RYR1: variants seen among roughly 807,000 people sequenced by gnomAD.
RYR1 encodes the protein ryanodine receptor 1, also known as central core disease of muscle.
In RYR1, 342 loss-of-function variants were observed where a neutral mutation model predicts 583.5. That is an observed-to-expected ratio of 0.59 (90% CI 0.54 to 0.64). The LOEUF is 0.64. RYR1 is among the 30% of genes least tolerant of loss of function. The probability of loss-of-function intolerance (pLI) is 0.00; values close to 1 mark genes in which losing one functional copy is unlikely to be tolerated. For missense variants in RYR1, 6,032 were observed against 6,917.2 expected, an observed-to-expected ratio of 0.87 and a Z score of 4.54; for synonymous variants, 2,791 against 2,822.5, an observed-to-expected ratio of 0.99 and a Z score of 0.35.
Position 38,505,060 on chromosome 19 carries a change from C to A in RYR1, c.8289C>A (p.His2763Gln). 2 of 1,614,124 alleles carry A rather than the reference C, an allele frequency of 1.2e-6. No homozygotes were observed. The highest frequency in any genetic ancestry group is 1.7e-6 in the Non-Finnish European group (2 of 1,180,026). ...TTAACAAGTTTGCGGAGTACACACA[C>A]GAGAAGTGGGCCTTCGACAAGGTTG... is the stretch of plus-strand genomic sequence containing the variant. ...SFINKFAEYT[H>Q]EKWAFDKIQN... is the part of the protein sequence containing the mutation. The change falls in exon 52 of 106, where the codon CAC becomes CAA. Residue 2763 changes from histidine to glutamine, a missense_variant. Around this residue, in one of 11 missense-constraint regions of RYR1, gnomAD observed 1,493 missense variants for 1,715.5 expected, o/e 0.87. Coordinates refer to ENST00000359596, the MANE Select transcript of RYR1 (RefSeq NM_000540.3).
intron 73 of RYR1, 153 bp from the exon 74 acceptor site, chr19:38,528,153 A>G: frequency 1.4e-6 from 1 of 721,200 alleles, no homozygotes; most frequent in Non-Finnish European, 2.5e-6. Flanking sequence ...CGGAGTCAGG[A>G]CCCTGACTCT....
intron 20 of RYR1, 58 bp downstream of exon 20, chr19:38,460,649 G>A (rs1479337824): frequency 1.3e-6 from 2 of 1,495,950 alleles, no homozygotes; most frequent in African/African-American, 1.4e-5. Context: ...GAGTCAGAGA[G>A]GGGGCAGGGT....
At chr19:38,486,845 G>C (rs1392770375) in intron 34 of RYR1, among the ~76,000 whole-genome samples, 1 of 151,928 alleles carries the variant, frequency 6.6e-6, no homozygotes, top group African/African-American at 2.4e-5. Flanking sequence ...ATCCATTCAT[G>C]TGTATAGATC....
chr19:38,448,759 C>T lies in RYR1; in HGVS notation c.1068C>T (p.Leu356=), dbSNP rs770069138. The stretch of plus-strand genomic sequence containing the variant: ...AGCATGTGGCCTCAGGACTGTGGCT[C>T]ACCTATGCTGCTCCAGACCCCAAGG... The part of the protein sequence containing the change: ...FVQHVASGLW[L]TYAAPDPKAL... The change falls in exon 11 of 106, where the codon CTC becomes CTT. Residue 356 remains leucine (L), a synonymous_variant. Coordinates refer to ENST00000359596, the MANE Select transcript of RYR1 (RefSeq NM_000540.3). 2.0e-5 allele frequency: 33 copies of T among 1,614,088 alleles called. No homozygotes were observed. The highest frequency in any genetic ancestry group is 2.6e-5 in the Non-Finnish European group (31 of 1,180,044).
In RYR1 at chr19:38,565,278, G is replaced by C; in HGVS notation, c.12944G>C (p.Arg4315Pro). ...LRGLSYRSLR[R>P]RVRRLRRLTA... The stretch of plus-strand genomic sequence containing the variant: ...GGCCTCAGCTACCGCAGCCTGCGGC[G>C]GCGCGTGCGGCGGCTGCGGCGGCTT... The change falls in exon 91 of 106, where the codon CGG becomes CCG. Residue 4315 changes from arginine (R) to proline (P), a missense_variant. Physicochemically the swap from Arg to Pro is moderately radical, Grantham distance 103. Coordinates refer to ENST00000359596, the MANE Select transcript of RYR1 (RefSeq NM_000540.3). This position sits in a 1 kb window ranked among gnomAD's most constrained non-coding sequence, Gnocchi z 4.7. 1.0e-6 allele frequency: 1 copy of C among 999,438 alleles called. No individual in the cohort carries two copies. Among genetic ancestry groups the C allele is most frequent in the African/African-American group, 1.7e-5 (1 of 57,148 alleles). The allele number at this position is 999,438 out of a possible 1,614,324, so 61.9% of individuals were successfully genotyped here.
rs1568520483 is a variant in RYR1 at position 38,511,630 on chromosome 19, C to T, written c.9172+20C>T. ...TCTTTGGTAAGTGGCTCCACACCTT[C>T]GGTCTTCCTCCCTAATCTTTCTCTT... On this transcript the variant is annotated intron_variant, in intron 61 of 105. Transcript: ENST00000359596. 6 of 1,613,502 alleles carry T rather than the reference C, an allele frequency of 3.7e-6. No individual in the cohort carries two copies. Among genetic ancestry groups the T allele is most frequent in the South Asian group, 1.1e-5 (1 of 91,078 alleles).
In RYR1 at chr19:38,528,623, G is replaced by A. The variant is rs1971590040; in HGVS notation, c.10962G>A (p.Leu3654=). ...LPTHRACNMF[L]ESYKAAWILT... ...GGCACCGGGCATGTAACATGTTCCT[G>A]GAGAGCTACAAGGCTGCATGGATCC... Residue 3654 remains leucine (L), a synonymous_variant, in exon 75 of 106, where the codon CTG becomes CTA. Coordinates refer to ENST00000359596, the MANE Select transcript of RYR1 (RefSeq NM_000540.3). The A allele has an allele frequency of 6.2e-7, 1 of 1,614,180 alleles. No homozygotes were observed. Among genetic ancestry groups the A allele is most frequent in the South Asian group, 1.1e-5 (1 of 91,084 alleles).
intron 48 of RYR1, 59 bp downstream of exon 48, chr19:38,502,786 CAGGGGCAGGGGCAGGGGCAGGGGG>C (rs1568506523): frequency 1.1e-5 from 7 of 637,336 alleles, no homozygotes; most frequent in Admixed American, 3.9e-5. Context: ...GGGGCAGGGG[CAGGGGCAGGGGCAGGGGCAGGGGG>C]AGGAGCAGGG....
In RYR1 at chr19:38,516,091, C is replaced by T. The variant is rs1376794459; in HGVS notation, c.9559C>T (p.Arg3187Trp). 9.7e-6 allele frequency: 15 copies of T among 1,548,278 alleles called. No individual in the cohort carries two copies. Among genetic ancestry groups the T allele is most frequent in the African/African-American group, 1.4e-5 (1 of 73,018 alleles). ...AAACACAGCCCCGTCTTCCAGGCTTCGGCCAGCCCTCGGGGAGTGCCTGGC... is the reference window on the plus strand; with the variant it reads ...AAACACAGCCCCGTCTTCCAGGCTTTGGCCAGCCCTCGGGGAGTGCCTGGC... Reference protein sequence around the residue: ...TTKNTYVEKLRPALGECLARL... With the variant: ...TTKNTYVEKLWPALGECLARL... Residue 3187 changes from arginine to tryptophan, a missense_variant, in exon 65 of 106, where the codon CGG becomes TGG. Arg to Trp is a moderately radical substitution (Grantham distance 101). Around this residue, in one of 11 missense-constraint regions of RYR1, gnomAD observed 1,493 missense variants for 1,715.5 expected, o/e 0.87. Coordinates refer to ENST00000359596, the MANE Select transcript of RYR1 (RefSeq NM_000540.3).
chr19:38,502,792 CAGGGG>C, intron 48 of RYR1, 65 bp downstream of exon 48: 1 of 678,852 alleles, frequency 1.5e-6, no homozygotes, highest in East Asian at 3.9e-5. Context: ...GGGGCAGGGG[CAGGGG>C]CAGGGGCAGG....
chr19:38,515,168 G>A, intron 64 of RYR1, 61 bp downstream of exon 64: 1 of 1,173,324 alleles, frequency 8.5e-7, no homozygotes, highest in Non-Finnish European at 1.3e-6. Context: ...GAGGGAGCAG[G>A]GGAAGAAGAT....
intron 102 of RYR1, among the ~76,000 whole-genome samples, chr19:38,585,367 G>GATATATATATATATAT (rs1156399968): frequency 7.4e-6 from 1 of 135,666 alleles, no homozygotes; most frequent in African/African-American, 3.1e-5. Context: ...ATAAAGGCCT[G>GATATATATATATATAT]AGATATATAT....
intron 23 of RYR1, among the ~76,000 whole-genome samples, chr19:38,465,505 C>T (rs1002738157): frequency 1.3e-5 from 2 of 152,034 alleles, no homozygotes; most frequent in African/African-American, 4.8e-5. Flanking sequence ...TCGCTCACGC[C>T]TGTAATCCGA....
Position 38,567,764 on chromosome 19 carries a change from G to C in RYR1, c.13515-9G>C. The C allele has an allele frequency of 1.2e-6, 2 of 1,614,144 alleles. No homozygotes were observed. The highest frequency in any genetic ancestry group is 1.7e-6 in the Non-Finnish European group (2 of 1,180,014). ...GCACCTCCTGACCTCTCTCTGTCCT[G>C]CCCTGCAGTGCCGAGAATGGGGAGA... On this transcript the variant is annotated splice_polypyrimidine_tract_variant and intron_variant, in intron 92 of 105. Transcript: ENST00000359596.
In RYR1 at chr19:38,490,167, T is replaced by C; in HGVS notation, c.5906T>C (p.Leu1969Pro). ...AAFAERYVDK[L>P]QANQRSRYGL... is the part of the protein sequence containing the mutation. ...TTTGCGGAGCGCTATGTGGACAAGCTCCAGGCCAACCAGCGGAGCCGCTAT... is the reference window on the plus strand; with the variant it reads ...TTTGCGGAGCGCTATGTGGACAAGCCCCAGGCCAACCAGCGGAGCCGCTAT... Residue 1969 changes from leucine to proline, a missense_variant, in exon 36 of 106, where the codon CTC (leucine) becomes CCC (proline). Coordinates refer to ENST00000359596, the MANE Select transcript of RYR1 (RefSeq NM_000540.3). 1 of 1,614,218 alleles carries C rather than the reference T, an allele frequency of 6.2e-7. No homozygotes were observed. The highest frequency in any genetic ancestry group is 8.5e-7 in the Non-Finnish European group (1 of 1,180,042).
rs990507685 is a variant in RYR1, at chr19:38,490,554, A to G, written c.6016-67A>G. ...ACATGGACTAACAATTGCATCTTCTATCTCTGATCTCAGAGTTCCTGCTTT... is the reference window on the plus strand; with the variant it reads ...ACATGGACTAACAATTGCATCTTCTGTCTCTGATCTCAGAGTTCCTGCTTT... On this transcript the variant is annotated intron_variant, in intron 36 of 105. Transcript: ENST00000359596. The G allele has an allele frequency of 6.8e-6, 7 of 1,036,538 alleles. No individual in the cohort carries two copies. In the African/African-American group the frequency reaches 1.1e-4, roughly 16 times the overall value. 64.2% of individuals were successfully genotyped at this position (1,036,538 alleles called of 1,614,324 possible).
chr19:38,532,051 G>T (rs892969582), intron 76 of RYR1, among the ~76,000 whole-genome samples: 2 of 151,970 alleles, frequency 1.3e-5, no homozygotes, highest in African/African-American at 2.4e-5. Context: ...CCTGGCAATG[G>T]CCACTCCAGC....
At chr19:38,490,769 A>T (rs1290459067) in intron 37 of RYR1, 37 bp downstream of exon 37, 2 of 1,373,774 alleles carry the variant, frequency 1.5e-6, no homozygotes, top group Non-Finnish European at 2.1e-6. Flanking sequence ...CCCCATGCTA[A>T]CTTTCTCTCG....
At chr19:38,507,879 C>T (rs1377684762) in intron 58 of RYR1, 52 bp downstream of exon 58, 11 of 1,144,790 alleles carry the variant, frequency 9.6e-6, no homozygotes, top group Middle Eastern at 2.0e-4. Flanking sequence ...GACACCAGTT[C>T]TGCAGACCAG....
Sources: allele counts gnomAD v4.1 joint callset (sites outside exome capture counted in the v4.1 genomes callset), GRCh38; gene constraint gnomAD v4.1.1; regional missense constraint gnomAD v4.1.1; non-coding constraint Gnocchi (gnomAD v3.1); transcripts MANE v1.5; gene names NCBI Gene and HGNC (gene_info 2026-07-23, HGNC 2026-07-21).